The following ALOX12B variants were observed in gnomAD, a reference collection of about 807,000 sequenced individuals.
The protein encoded by ALOX12B is arachidonate 12-lipoxygenase, 12R type, also known as arachidonate 12-lipoxygenase, 12R-type.
In ALOX12B, 47 loss-of-function variants were observed where a neutral mutation model predicts 78.9. That is an observed-to-expected ratio of 0.60 (90% CI 0.47 to 0.76). The LOEUF (loss-of-function observed/expected upper bound fraction) is 0.76. ALOX12B is among the 30% of genes least tolerant of loss of function. ALOX12B has a pLI of 0.00. For missense variants in ALOX12B, 805 were observed against 922.6 expected, an observed-to-expected ratio of 0.87 and a Z score of 1.65; for synonymous variants, 370 against 374.5, an observed-to-expected ratio of 0.99 and a Z score of 0.14.
Position 8,080,918 on chromosome 17 carries a change from G to A in ALOX12B, c.493C>T (p.Pro165Ser). The change falls in exon 4 of 15, where the codon CCG (proline) becomes TCG (serine). Residue 165 changes from proline to serine, a missense_variant. Physicochemically the swap from Pro to Ser is moderately conservative, Grantham distance 74. Transcript: ENST00000647874. The surrounding 1 kb of genome is among the most constrained non-coding windows in gnomAD (Gnocchi z 4.8). The part of the protein sequence containing the change: ...SYVHIPSYRP[P>S]VRRHRNPNRP... ...TTGGGGTTGCGATGCCTCCGCACCG[G>A]AGGGCGGTAACTGGGAATGTGCACA... 1.2e-6 allele frequency: 2 copies of A among 1,613,930 alleles called. No homozygotes were observed. The highest frequency in any genetic ancestry group is 1.7e-6 in the Non-Finnish European group (2 of 1,180,016).
chr17:8,075,979 G>T (rs1047598060), intron 11 of ALOX12B, among the ~76,000 whole-genome samples, 196 bp downstream of exon 11: 3 of 152,162 alleles, frequency 2.0e-5, no homozygotes, highest in Non-Finnish European at 4.4e-5. Context: ...GAGGTGGGCT[G>T]GGGACCCAAG....
In ALOX12B at chr17:8,087,641, C is replaced by T. The variant is rs886053576; in HGVS notation, c.-199G>A. ...TGGAAAAGCTGCTGCCCTTGGTGGC[C>T]GGGGTGGGTGCCGGGCAGGCCCAGG... On this transcript the variant is annotated 5_prime_UTR_variant, in exon 1 of 15. Coordinates refer to ENST00000647874, the MANE Select transcript of ALOX12B (RefSeq NM_001139.3). 73 of 883,096 alleles carry T rather than the reference C, an allele frequency of 8.3e-5. No homozygotes were observed. The highest frequency in any genetic ancestry group is 2.4e-4 in the Admixed American group (11 of 45,160). The allele number at this position is 883,096 out of a possible 1,614,324, so 54.7% of individuals were successfully genotyped here. A position where few individuals can be genotyped will look rare whatever the true frequency, so the allele number is the denominator to read the frequency against.
At chr17:8,073,067 C>T in intron 14 of ALOX12B, 81 bp downstream of exon 14, 1 of 1,608,362 alleles carries the variant, frequency 6.2e-7, no homozygotes, top group Non-Finnish European at 8.5e-7. Flanking sequence ...CTGCTCCCCT[C>T]TTGACGCCGC....
intron 12 of ALOX12B, among the ~76,000 whole-genome samples, chr17:8,075,140 C>T (rs1453601737): frequency 6.6e-6 from 1 of 152,166 alleles, no homozygotes; most frequent in African/African-American, 2.4e-5. Context: ...TCCTCAATAA[C>T]CAGCACAGTG....
chr17:8,081,345 C>A lies in ALOX12B; in HGVS notation c.353-158G>T, dbSNP rs1977214643. 5.5e-6 allele frequency: 4 copies of A among 723,276 alleles called. No individual in the cohort carries two copies. The South Asian group carries it at 6.0e-5, about 11-fold the overall frequency. The allele number at this position is 723,276 out of a possible 1,614,324, so 44.8% of individuals were successfully genotyped here. On this transcript the variant is annotated intron_variant, in intron 2 of 14. Coordinates refer to ENST00000647874, the MANE Select transcript of ALOX12B (RefSeq NM_001139.3). ...TGGGAGAGTGAAGGTGCGTCCTGTC[C>A]GGAAATATCAGATAAAAGAATCACG...
chr17:8,085,691 T>C (rs1346180867), intron 2 of ALOX12B, among the ~76,000 whole-genome samples: 7 of 152,154 alleles, frequency 4.6e-5, no homozygotes, highest in Non-Finnish European at 1.0e-4. Context: ...ATTTTTAACG[T>C]GGCCGGGCAT....
At position 8,079,810 on chromosome 17, in the gene ALOX12B, G is replaced by T. The variant is rs143465858; in HGVS notation, c.886C>A (p.Pro296Thr). ...AAGCACGTTCCCTCGCCCAGGAACG[G>T]AGCCACCATGTCGTCTGTGACGGGG... ...KFPVTDDMVA[P>T]FLGEGTCLQA... is the part of the protein sequence containing the mutation. The change falls in exon 7 of 15, where the codon CCG becomes ACG. Residue 296 changes from proline to threonine, a missense_variant. Pro to Thr is a conservative substitution (Grantham distance 38). Transcript: ENST00000647874. The surrounding 1 kb of genome is among the most constrained non-coding windows in gnomAD (Gnocchi z 6.4). 3.0e-5 allele frequency: 48 copies of T among 1,613,420 alleles called. No individual in the cohort carries two copies. The Middle Eastern group carries it at 5.0e-4, about 17-fold the overall frequency.
chr17:8,072,771 C>G lies in ALOX12B; in HGVS notation c.2106G>C (p.Ter702TyrextTer?). The G allele has an allele frequency of 3.7e-6, 6 of 1,614,212 alleles. No homozygotes were observed. Among genetic ancestry groups the G allele is most frequent in the Non-Finnish European group, 5.1e-6 (6 of 1,180,022 alleles). ...GAGAGGAGAGACGGGAAGCGCGCTC[C>G]TAAATAGAAATGCTGTTCTCAATCA... ...PVLIENSISI[*>Y] is the part of the protein sequence containing the mutation. Residue 702 changes from the stop codon to tyrosine (Y), a stop_lost, in exon 15 of 15, where the codon TAG becomes TAC. Transcript: ENST00000647874.
chr17:8,075,567 C>A, intron 12 of ALOX12B, 28 bp downstream of exon 12: 2 of 1,613,710 alleles, frequency 1.2e-6, no homozygotes, highest in Non-Finnish European at 1.7e-6. Flanking sequence ...CCAGCTCCCC[C>A]TGATTGCCCA....
chr17:8,076,510 T>C, intron 10 of ALOX12B, 147 bp downstream of exon 10: 1 of 1,289,192 alleles, frequency 7.8e-7, no homozygotes, highest in Non-Finnish European at 1.1e-6. Flanking sequence ...TGCTCCTTTC[T>C]AGACAGGAGA....
At position 8,075,832 on chromosome 17, in the gene ALOX12B, C is replaced by A. The variant is rs1977068620; in HGVS notation, c.1533-116G>T. ...CAGTTGGCCCCAGAGCTGCCCCAGG[C>A]CTGTGGGAGGGCAAGTCCTGTGGGG... On this transcript the variant is annotated intron_variant, in intron 11 of 14. Coordinates refer to ENST00000647874, the MANE Select transcript of ALOX12B (RefSeq NM_001139.3). 5.1e-6 allele frequency: 8 copies of A among 1,553,948 alleles called. No homozygotes were observed. The South Asian group carries it at 6.7e-5, about 13-fold the overall frequency.
intron 2 of ALOX12B, among the ~76,000 whole-genome samples, chr17:8,085,463 G>C (rs886460628): frequency 6.6e-6 from 1 of 152,170 alleles, no homozygotes; most frequent in African/African-American, 2.4e-5. Context: ...AAGAAAGCCA[G>C]GGCGTCATAA....
intron 12 of ALOX12B, among the ~76,000 whole-genome samples, chr17:8,074,391 C>T (rs527372135): frequency 4.6e-5 from 7 of 152,254 alleles, no homozygotes; most frequent in African/African-American, 1.7e-4. Flanking sequence ...GCCCCCAGCT[C>T]AATGGATGAC....
At position 8,080,221 on chromosome 17, in the gene ALOX12B, G is replaced by C. The variant is rs776236537; in HGVS notation, c.754+14C>G. The stretch of plus-strand genomic sequence containing the variant: ...TGGCTCCCCCTGCTCGATCCGGGAC[G>C]CCCCATTCCATACCGGAGACGACAG... On this transcript the variant is annotated intron_variant, in intron 6 of 14. Coordinates refer to ENST00000647874, the MANE Select transcript of ALOX12B (RefSeq NM_001139.3). This position sits in a 1 kb window ranked among gnomAD's most constrained non-coding sequence, Gnocchi z 4.8. 59 of 1,611,630 alleles carry C rather than the reference G, an allele frequency of 3.7e-5. No homozygotes were observed. The East Asian group carries it at 1.3e-3, about 35-fold the overall frequency.
At chr17:8,076,549 T>A (rs1448340263) in intron 10 of ALOX12B, 108 bp downstream of exon 10, 1 of 1,348,638 alleles carries the variant, frequency 7.4e-7, no homozygotes, top group Non-Finnish European at 1.0e-6. Flanking sequence ...CCTCCCTTCA[T>A]GCCCCCTCAT....
In ALOX12B at chr17:8,081,261, T is replaced by C. The variant is rs1351853023; in HGVS notation, c.353-74A>G. On this transcript the variant is annotated intron_variant, in intron 2 of 14. Transcript: ENST00000647874. The stretch of plus-strand genomic sequence containing the variant: ...CCACTTCAGGAAGCAGGAGTTCAGC[T>C]TCTGTGCCCCAGGTCGTCTCTGGGG... 5 of 1,500,772 alleles carry C rather than the reference T, an allele frequency of 3.3e-6. No individual in the cohort carries two copies. The African/African-American group carries it at 5.5e-5, about 17-fold the overall frequency. 93.0% of individuals were successfully genotyped at this position (1,500,772 alleles called of 1,614,324 possible). A position where few individuals can be genotyped will look rare whatever the true frequency, so the allele number is the denominator to read the frequency against.
intron 14 of ALOX12B, 77 bp downstream of exon 14, chr17:8,073,071 A>C: frequency 6.2e-7 from 1 of 1,607,856 alleles, no homozygotes; most frequent in Non-Finnish European, 8.5e-7. Flanking sequence ...TCCCCTCTTG[A>C]CGCCGCTAGT....
At position 8,073,677 on chromosome 17, in the gene ALOX12B, C is replaced by T. The variant is rs933001113; in HGVS notation, c.1735G>A (p.Ala579Thr). 1.9e-6 allele frequency: 3 copies of T among 1,613,996 alleles called. No individual in the cohort carries two copies. In the African/African-American group the frequency reaches 4.0e-5, roughly 22 times the overall value. ...GGTACCTGGCCTGTGTTGACAGCAG[C>T]GTGCTTGGCAGAGCAGGTGTAGATG... Reference protein sequence around the residue: ...IVIYTCSAKHAAVNTGQMEFT... With the variant: ...IVIYTCSAKHTAVNTGQMEFT... Residue 579 changes from alanine (A) to threonine (T), a missense_variant, in exon 13 of 15, where the codon GCT becomes ACT. Ala to Thr is a moderately conservative substitution (Grantham distance 58). Transcript: ENST00000647874.
rs1419476119 is a variant in ALOX12B at position 8,086,141 on chromosome 17, A to G, written c.227T>C (p.Phe76Ser). Residue 76 changes from phenylalanine to serine, a missense_variant, in exon 2 of 15, where the codon TTC (phenylalanine) becomes TCC (serine). By Grantham distance (155) the Phe-to-Ser change is radical. Coordinates refer to ENST00000647874, the MANE Select transcript of ALOX12B (RefSeq NM_001139.3). Reference protein sequence around the residue: ...IIRLHKERYAFFPKDPWYCNY... With the variant: ...IIRLHKERYASFPKDPWYCNY... ...GCAGTACCAAGGGTCCTTGGGGAAGAAGGCGTACCGCTCTTTGTGCAGGCG... is the reference window on the plus strand; with the variant it reads ...GCAGTACCAAGGGTCCTTGGGGAAGGAGGCGTACCGCTCTTTGTGCAGGCG... 1.2e-6 allele frequency: 2 copies of G among 1,614,008 alleles called. No individual in the cohort carries two copies. Among genetic ancestry groups the G allele is most frequent in the African/African-American group, 2.7e-5 (2 of 74,910 alleles).
Sources: gnomAD v4.1 joint callset for allele counts (sites outside exome capture counted in the v4.1 genomes callset) on GRCh38, gnomAD v4.1.1 for gene constraint, Gnocchi (gnomAD v3.1) non-coding constraint, MANE v1.5 for transcripts, NCBI Gene and HGNC (gene_info 2026-07-23, HGNC 2026-07-21) for gene names.